STX7: variants seen among roughly 807,000 people sequenced by gnomAD.
The protein encoded by STX7 is syntaxin 7.
In STX7, 34 loss-of-function variants were observed where a neutral mutation model predicts 39.6. The ratio of observed to expected loss-of-function variants is 0.86; its 90% CI spans 0.65 to 1.14. The LOEUF (loss-of-function observed/expected upper bound fraction) is 1.14, where lower values mean the gene tolerates loss of function less well. Ranked by LOEUF, STX7 falls within the 50% of genes most tolerant of loss-of-function variation. The pLI is 0.00. For synonymous variants in STX7, 119 were observed against 99.1 expected, an observed-to-expected ratio of 1.20 and a Z score of -1.19; for missense variants, 284 against 310.4, an observed-to-expected ratio of 0.92 and a Z score of 0.64.
intron 2 of STX7, among the ~76,000 whole-genome samples, chr6:132,492,775 A>G (rs374827607): frequency 1.4e-4 from 21 of 152,366 alleles, no homozygotes; most frequent in African/African-American, 5.1e-4. Flanking sequence ...GATACCTAAT[A>G]CAAGGCACAA....
At chr6:132,511,363 A>G (rs1323520050) in intron 1 of STX7, among the ~76,000 whole-genome samples, 1 of 152,190 alleles carries the variant, frequency 6.6e-6, no homozygotes, top group Non-Finnish European at 1.5e-5. Flanking sequence ...CTCCCCAGCA[A>G]GGCCTCATCA....
intron 3 of STX7, among the ~76,000 whole-genome samples, chr6:132,473,521 T>TTG (rs11379092): frequency 4.9e-5 from 4 of 81,980 alleles, no homozygotes; most frequent in African/African-American, 2.0e-4. Flanking sequence ...TATTGTGTTG[T>TTG]TTTTTTTTTT....
At chr6:132,470,512 A>C in intron 6 of STX7, 62 bp downstream of exon 6, 3 of 1,189,244 alleles carry the variant, frequency 2.5e-6, no homozygotes, top group Non-Finnish European at 3.7e-6. Context: ...TGTTCCAGGG[A>C]CCTTAATGTA....
intron 9 of STX7, among the ~76,000 whole-genome samples, chr6:132,461,472 A>G (rs1774396779): frequency 6.6e-6 from 1 of 151,330 alleles, no homozygotes; most frequent in South Asian, 2.1e-4. Flanking sequence ...ACACCCAGCT[A>G]ATTTTTTTTT....
intron 1 of STX7, among the ~76,000 whole-genome samples, chr6:132,504,460 T>C (rs1203730398): frequency 1.3e-5 from 2 of 152,052 alleles, no homozygotes; most frequent in Non-Finnish European, 2.9e-5. Flanking sequence ...GGAAAGAAGG[T>C]TGAAAAGGAA....
At chr6:132,489,651 C>T (rs1775227813) in intron 2 of STX7, among the ~76,000 whole-genome samples, 1 of 152,138 alleles carries the variant, frequency 6.6e-6, no homozygotes, top group African/African-American at 2.4e-5. Context: ...GGATGAGTCT[C>T]GAGGCTGGAA....
At position 132,450,622 on chromosome 6, in the gene STX7, T is replaced by C. The variant is rs956599692; in HGVS notation, c.*10136A>G. The C allele has an allele frequency of 1.3e-5, 2 of 151,888 alleles. No individual in the cohort carries two copies. Among genetic ancestry groups the C allele is most frequent in the South Asian group, 4.2e-4 (2 of 4,816 alleles). The allele number at this position is 151,888 out of a possible 1,614,324, so 9.4% of individuals were successfully genotyped here. Reference sequence around the variant, plus strand: ...GGCCAGAAATTTTAAAATTGAAAAATGCAGGAATCAATATGAAACACTTAA... The same window carrying C: ...GGCCAGAAATTTTAAAATTGAAAAACGCAGGAATCAATATGAAACACTTAA... On this transcript the variant is annotated 3_prime_UTR_variant, in exon 10 of 10. Transcript: ENST00000367941.
At position 132,451,603 on chromosome 6, in the gene STX7, G is replaced by C. The variant is rs1774137854; in HGVS notation, c.*9155C>G. On this transcript the variant is annotated 3_prime_UTR_variant, in exon 10 of 10. Coordinates refer to ENST00000367941, the MANE Select transcript of STX7 (RefSeq NM_003569.3). ...AAACAGAAAGGAAATGATAAATGAAGGAGTTTTGGAATATCAGACATCAAA... is the reference window on the plus strand; with the variant it reads ...AAACAGAAAGGAAATGATAAATGAACGAGTTTTGGAATATCAGACATCAAA... 6.6e-6 allele frequency: 1 copy of C among 151,950 alleles called. No homozygotes were observed. The highest frequency in any genetic ancestry group is 1.5e-5 in the Non-Finnish European group (1 of 67,996). The allele number at this position is 151,950 out of a possible 1,614,324, so 9.4% of individuals were successfully genotyped here.
chr6:132,491,233 A>G (rs1252035016), intron 2 of STX7, among the ~76,000 whole-genome samples: 1 of 152,056 alleles, frequency 6.6e-6, no homozygotes, highest in Non-Finnish European at 1.5e-5. Context: ...CAAAGTGAAT[A>G]TGGTAAAAAT....
At chr6:132,482,265 C>A (rs760618636) in intron 2 of STX7, among the ~76,000 whole-genome samples, 1 of 152,122 alleles carries the variant, frequency 6.6e-6, no homozygotes, top group Non-Finnish European at 1.5e-5. Context: ...CCAGGCACAG[C>A]GAGAGGGCTT....
chr6:132,472,297 G>A lies in STX7; in HGVS notation c.234C>T (p.Thr78=). Residue 78 remains threonine, a synonymous_variant, in exon 4 of 10, where the codon ACC becomes ACT. Coordinates refer to ENST00000367941, the MANE Select transcript of STX7 (RefSeq NM_003569.3). The part of the protein sequence containing the change: ...KYIKEFGSLP[T]TPSEQRQRKI... ...AGCTTGATACCTGTTCACTGGGGGT[G>A]GTGGGCAGAGATCCAAACTCTTTAA... 3 of 1,612,830 alleles carry A rather than the reference G, an allele frequency of 1.9e-6. No individual in the cohort carries two copies. The highest frequency in any genetic ancestry group is 2.5e-6 in the Non-Finnish European group (3 of 1,179,538).
intron 7 of STX7, 36 bp downstream of exon 7, chr6:132,469,915 C>T (rs1774670036): frequency 2.0e-6 from 3 of 1,513,708 alleles, no homozygotes; most frequent in Non-Finnish European, 2.7e-6. Flanking sequence ...TCACTAAGAC[C>T]AGAGCAGCAG....
chr6:132,480,683 T>TA (rs1774995613), intron 2 of STX7, among the ~76,000 whole-genome samples: 1 of 152,172 alleles, frequency 6.6e-6, no homozygotes, highest in South Asian at 2.1e-4. Context: ...GAGTACCACA[T>TA]AGCCTGTGAG....
chr6:132,490,272 C>T (rs974970504), intron 2 of STX7, among the ~76,000 whole-genome samples: 4 of 152,214 alleles, frequency 2.6e-5, no homozygotes, highest in African/African-American at 9.6e-5. Flanking sequence ...GCTCCAAAAG[C>T]AGCTGAATTG....
At chr6:132,480,830 A>G (rs899401565) in intron 2 of STX7, among the ~76,000 whole-genome samples, 4 of 152,244 alleles carry the variant, frequency 2.6e-5, no homozygotes, top group African/African-American at 9.6e-5. Flanking sequence ...GATCAGTTGT[A>G]GAGTGGTAAC....
intron 8 of STX7, among the ~76,000 whole-genome samples, chr6:132,467,092 G>A (rs1774583084): frequency 6.6e-6 from 1 of 152,172 alleles, no homozygotes; most frequent in South Asian, 2.1e-4. Context: ...GCAGCCAAGT[G>A]AGTCTTTCGA....
At chr6:132,505,057 C>T (rs1320717292) in intron 1 of STX7, among the ~76,000 whole-genome samples, 3 of 152,210 alleles carry the variant, frequency 2.0e-5, no homozygotes, top group Non-Finnish European at 4.4e-5. Flanking sequence ...CCTAACATTT[C>T]TCGCACATCT....
At chr6:132,508,993 T>G (rs535531831) in intron 1 of STX7, among the ~76,000 whole-genome samples, 1 of 152,334 alleles carries the variant, frequency 6.6e-6, no homozygotes, top group African/African-American at 2.4e-5. Context: ...GTGGGTATAA[T>G]TGCTAATGTG....
Position 132,460,646 on chromosome 6 carries a change from G to T in STX7, c.*112C>A. The T allele has an allele frequency of 1.3e-6, 1 of 791,916 alleles. No individual in the cohort carries two copies. The highest frequency in any genetic ancestry group is 1.9e-6 in the Non-Finnish European group (1 of 527,496). 49.1% of individuals were successfully genotyped at this position (791,916 alleles called of 1,614,324 possible). ...CCCCCCAATAAAAATAACAAAGTAT[G>T]GGAACCATCCTTTATACAATAGCTT... is the stretch of plus-strand genomic sequence containing the variant. On this transcript the variant is annotated 3_prime_UTR_variant, in exon 10 of 10. Transcript: ENST00000367941.
Sources: allele counts gnomAD v4.1 joint callset (sites outside exome capture counted in the v4.1 genomes callset), GRCh38; gene constraint gnomAD v4.1.1; transcripts MANE v1.5; gene names NCBI Gene and HGNC (gene_info 2026-07-23, HGNC 2026-07-21).